The following CNTN6 variants were observed in gnomAD, a reference collection of about 807,000 sequenced individuals.
CNTN6 encodes contactin 6.
In CNTN6, 137 loss-of-function variants were observed where a neutral mutation model predicts 122.8. The ratio of observed to expected loss-of-function variants is 1.12; its 90% CI spans 0.97 to 1.29. CNTN6 has a LOEUF of 1.29. CNTN6 is among the 50% of genes most tolerant of loss of function. CNTN6 has a pLI of 0.00. For missense variants in CNTN6, 1,634 were observed against 1,223.4 expected (o/e 1.34, Z -5.01); for synonymous variants, 570 against 426.0 (o/e 1.34, Z -4.16).
intron 1 of CNTN6, among the ~76,000 whole-genome samples, chr3:1,145,608 A>G (rs2092708211): frequency 6.6e-6 from 1 of 152,184 alleles, no homozygotes; most frequent in South Asian, 2.1e-4. Context: ...AATTGGATAC[A>G]TGGAAACTGT....
intron 11 of CNTN6, among the ~76,000 whole-genome samples, chr3:1,333,051 A>C (rs1356874449): frequency 6.6e-6 from 1 of 152,048 alleles, no homozygotes; most frequent in Non-Finnish European, 1.5e-5. Context: ...AATACATAAA[A>C]AAGTTTATTT....
intron 20 of CNTN6, among the ~76,000 whole-genome samples, chr3:1,391,730 C>A (rs1694179815): frequency 6.7e-6 from 1 of 149,130 alleles, no homozygotes; most frequent in African/African-American, 2.5e-5. Context: ...AATCAATGTA[C>A]AAAAATCACA....
chr3:1,241,167 C>T (rs1242849111), intron 4 of CNTN6, among the ~76,000 whole-genome samples: 3 of 152,114 alleles, frequency 2.0e-5, no homozygotes, highest in Admixed American at 2.0e-4. Context: ...TCAGTTACTT[C>T]AGGCCATCTG....
At chr3:1,207,825 C>G (rs569695648) in intron 2 of CNTN6, among the ~76,000 whole-genome samples, 3 of 152,002 alleles carry the variant, frequency 2.0e-5, no homozygotes, top group African/African-American at 7.2e-5. Context: ...TATATCTCCT[C>G]TCTCATCTTC....
At chr3:1,296,076 A>G (rs1487862783) in intron 6 of CNTN6, among the ~76,000 whole-genome samples, 1 of 152,202 alleles carries the variant, frequency 6.6e-6, no homozygotes, top group Non-Finnish European at 1.5e-5. Flanking sequence ...TGTAAAAACA[A>G]AAACGATGTT....
intron 7 of CNTN6, among the ~76,000 whole-genome samples, chr3:1,318,438 AT>A (rs1438337567): frequency 6.6e-6 from 1 of 151,772 alleles, no homozygotes; most frequent in African/African-American, 2.4e-5. Flanking sequence ...TACAGTTGGT[AT>A]TTTAACTAAA....
chr3:1,253,491 C>T (rs1256066910), intron 4 of CNTN6, among the ~76,000 whole-genome samples: 1 of 152,134 alleles, frequency 6.6e-6, no homozygotes, highest in African/African-American at 2.4e-5. Context: ...CTGCTAATTA[C>T]ATATAAATTG....
At chr3:1,230,931 T>C (rs1188269477) in intron 4 of CNTN6, among the ~76,000 whole-genome samples, 1 of 152,192 alleles carries the variant, frequency 6.6e-6, no homozygotes, top group African/African-American at 2.4e-5. Context: ...AGGCTGGTGA[T>C]TCCTTGTCCA....
chr3:1,271,078 A>T (rs934673956), intron 4 of CNTN6, among the ~76,000 whole-genome samples: 1 of 152,132 alleles, frequency 6.6e-6, no homozygotes, highest in Non-Finnish European at 1.5e-5. Context: ...GGGTTTCACC[A>T]TGTTGCCCGG....
intron 12 of CNTN6, among the ~76,000 whole-genome samples, chr3:1,357,686 G>C (rs1706793569): frequency 6.6e-6 from 1 of 151,820 alleles, no homozygotes; most frequent in Admixed American, 6.6e-5. Context: ...TCAAAGTCTA[G>C]CAGGAATAAA....
At chr3:1,382,104 TTAAA>T (rs762486641) in intron 17 of CNTN6, among the ~76,000 whole-genome samples, 1 of 143,262 alleles carries the variant, frequency 7.0e-6, no homozygotes, top group Non-Finnish European at 1.6e-5. Flanking sequence ...AGAATATTTA[TTAAA>T]AAAAAAAAAG....
At chr3:1,173,527 C>T (rs1378608929) in intron 2 of CNTN6, among the ~76,000 whole-genome samples, 1 of 152,164 alleles carries the variant, frequency 6.6e-6, no homozygotes, top group Non-Finnish European at 1.5e-5. Flanking sequence ...TAGTACATGA[C>T]GAAGTTGGGA....
chr3:1,268,583 G>A (rs1038575769), intron 4 of CNTN6, among the ~76,000 whole-genome samples: 1 of 127,452 alleles, frequency 7.8e-6, no homozygotes, highest in African/African-American at 3.3e-5. Context: ...CTCCAGCCTG[G>A]GCGACAGAGC....
chr3:1,245,267 ATATATATACACACAC>A (rs1162060407), intron 4 of CNTN6, among the ~76,000 whole-genome samples: 38 of 4,784 alleles, frequency 7.9e-3, no homozygotes, highest in African/African-American at 0.024. Flanking sequence ...ACATATATAT[ATATATATACACACAC>A]ATATATATAT....
chr3:1,297,417 G>A (rs1469092551), intron 6 of CNTN6, among the ~76,000 whole-genome samples: 1 of 151,808 alleles, frequency 6.6e-6, no homozygotes, highest in Non-Finnish European at 1.5e-5. Flanking sequence ...CCAATTCCTT[G>A]GATTGAAAGT....
At chr3:1,103,929 T>C (rs2091083855) in intron 1 of CNTN6, among the ~76,000 whole-genome samples, 1 of 152,126 alleles carries the variant, frequency 6.6e-6, no homozygotes, top group Non-Finnish European at 1.5e-5. Context: ...CGTACAAAAA[T>C]TCTAGTTAAT....
intron 2 of CNTN6, among the ~76,000 whole-genome samples, chr3:1,163,703 T>C (rs576922929): frequency 6.6e-6 from 1 of 152,334 alleles, no homozygotes; most frequent in East Asian, 1.9e-4. Context: ...AGGCATGAGC[T>C]ACTGTGCCCA....
chr3:1,103,082 G>A (rs111361018), intron 1 of CNTN6, among the ~76,000 whole-genome samples: 7,719 of 152,110 alleles, frequency 0.051, 274 homozygotes, highest in Non-Finnish European at 0.076. Flanking sequence ...CTCCAGCCTG[G>A]GCGACAGAGC....
rs187383563 is a variant in CNTN6, at chr3:1,105,219, A to C, written c.-83+12099A>C. Among the ~76,000 whole-genome samples the C allele has an allele frequency of 2.2e-4, 33 of 152,268 alleles. No homozygotes were observed. In the East Asian group the frequency reaches 6.2e-3, roughly 28 times the overall value. ...ATACTCTCCGATTGGATTACAAAAC[A>C]AATACACAGATAACAGTATTTCAGT... is the stretch of plus-strand genomic sequence containing the variant. On this transcript the variant is annotated intron_variant, in intron 1 of 22. Transcript: ENST00000446702.
Sources: allele counts gnomAD v4.1 joint callset (sites outside exome capture counted in the v4.1 genomes callset), GRCh38; gene constraint gnomAD v4.1.1; transcripts MANE v1.5; gene names NCBI Gene and HGNC (gene_info 2026-07-23, HGNC 2026-07-21).